The following MALRD1 variants were observed in gnomAD, a reference collection of about 807,000 sequenced individuals.
The protein encoded by MALRD1 is MAM and LDL receptor class A domain containing 1, also known as MAM and LDL-receptor class A domain-containing protein 1.
In MALRD1, 247 loss-of-function variants were observed where a neutral mutation model predicts 242.1. The observed-to-expected ratio is 1.02, with a 90% CI of 0.92 to 1.13. The LOEUF (loss-of-function observed/expected upper bound fraction) is 1.13, where lower values mean the gene tolerates loss of function less well. MALRD1 is among the 50% of genes most tolerant of loss of function. MALRD1 has a pLI of 0.00. For synonymous variants in MALRD1, 995 were observed against 866.6 expected, an observed-to-expected ratio of 1.15 and a Z score of -2.60; for missense variants, 2,989 against 2,533.1, an observed-to-expected ratio of 1.18 and a Z score of -3.86.
intron 18 of MALRD1, among the ~76,000 whole-genome samples, chr10:19,237,137 A>T (rs1019842248): frequency 6.6e-6 from 1 of 152,012 alleles, no homozygotes. Context: ...CTTTTTAATA[A>T]GAAATTTCAA....
At chr10:19,192,613 C>T (rs563619231) in intron 14 of MALRD1, among the ~76,000 whole-genome samples, 3 of 152,278 alleles carry the variant, frequency 2.0e-5, no homozygotes, top group Non-Finnish European at 4.4e-5. Flanking sequence ...ATAGAGCCAT[C>T]GTACCTTGTA....
intron 18 of MALRD1, among the ~76,000 whole-genome samples, chr10:19,225,982 T>C (rs1837783196): frequency 6.6e-6 from 1 of 152,196 alleles, no homozygotes; most frequent in African/African-American, 2.4e-5. Context: ...CCTGGTCAGA[T>C]TATTACTGAT....
chr10:19,712,391 G>A (rs1035007805), intron 38 of MALRD1, among the ~76,000 whole-genome samples: 1 of 152,150 alleles, frequency 6.6e-6, no homozygotes. Context: ...TCTAAAAGCT[G>A]AAATTGTTCA....
chr10:19,329,709 C>T (rs2130915604), intron 23 of MALRD1, among the ~76,000 whole-genome samples: 1 of 152,320 alleles, frequency 6.6e-6, no homozygotes, highest in East Asian at 1.9e-4. Flanking sequence ...TGCCATGCTA[C>T]ATTGTCTACC....
intron 26 of MALRD1, among the ~76,000 whole-genome samples, chr10:19,380,603 C>T (rs187898743): frequency 1.3e-5 from 2 of 151,776 alleles, no homozygotes; most frequent in Non-Finnish European, 2.9e-5. Context: ...TAGTCTTTAC[C>T]ATAGAAGTTT....
intron 33 of MALRD1, among the ~76,000 whole-genome samples, chr10:19,592,200 C>T (rs1286936255): frequency 2.0e-5 from 3 of 152,178 alleles, no homozygotes; most frequent in Non-Finnish European, 4.4e-5. Flanking sequence ...TCAGAGATTT[C>T]TTAGAAATTC....
chr10:19,555,030 A>G (rs903115694), intron 32 of MALRD1, among the ~76,000 whole-genome samples: 23 of 152,040 alleles, frequency 1.5e-4, no homozygotes, highest in African/African-American at 5.3e-4. Context: ...AAGCATTCCT[A>G]TTTCTCCAGC....
chr10:19,321,360 T>C (rs1842909669), intron 21 of MALRD1, among the ~76,000 whole-genome samples: 1 of 152,162 alleles, frequency 6.6e-6, no homozygotes, highest in Admixed American at 6.6e-5. Context: ...TGGAGTCAGA[T>C]TGTATTGGCT....
chr10:19,595,959 A>T, intron 34 of MALRD1, among the ~76,000 whole-genome samples: 1 of 152,220 alleles, frequency 6.6e-6, no homozygotes, highest in East Asian at 1.9e-4. Context: ...GGGATAATGC[A>T]TCCTAGAGAT....
At chr10:19,677,771 A>C (rs1443797997) in intron 36 of MALRD1, among the ~76,000 whole-genome samples, 1 of 151,928 alleles carries the variant, frequency 6.6e-6, no homozygotes. Context: ...GTATTGCCTA[A>C]ATTTTCTTCT....
At chr10:19,241,793 G>A (rs10740863) in intron 18 of MALRD1, among the ~76,000 whole-genome samples, 62,916 of 151,800 alleles carry the variant, frequency 0.41, 13,432 homozygotes, top group Admixed American at 0.55. Flanking sequence ...TAATTTTCCT[G>A]TTAATATCTT....
intron 36 of MALRD1, among the ~76,000 whole-genome samples, chr10:19,672,472 G>A (rs550324247): frequency 2.8e-5 from 4 of 145,086 alleles, no homozygotes; most frequent in African/African-American, 1.0e-4. Context: ...CACCTAGGCT[G>A]GAGTGCAGTG....
chr10:19,453,931 G>A (rs1835474371), intron 29 of MALRD1, among the ~76,000 whole-genome samples: 1 of 151,940 alleles, frequency 6.6e-6, no homozygotes, highest in African/African-American at 2.4e-5. Context: ...GCTTGCGCCT[G>A]TAGTCCCAGC....
chr10:19,219,598 G>A (rs1418527462), intron 18 of MALRD1, among the ~76,000 whole-genome samples: 4 of 151,926 alleles, frequency 2.6e-5, no homozygotes, highest in African/African-American at 9.7e-5. Flanking sequence ...CACCACACCG[G>A]CTAATTTTTA....
At chr10:19,506,528 CTT>C (rs1219049842) in intron 31 of MALRD1, among the ~76,000 whole-genome samples, 1 of 152,008 alleles carries the variant, frequency 6.6e-6, no homozygotes, top group Admixed American at 6.6e-5. Context: ...TCTATTGACA[CTT>C]GTGTATCATA....
chr10:19,147,542 C>T (rs79604772), intron 11 of MALRD1, among the ~76,000 whole-genome samples: 1,642 of 152,300 alleles, frequency 0.011, 29 homozygotes, highest in African/African-American at 0.038. Flanking sequence ...AACACATTTT[C>T]TCTAAACTCA....
chr10:19,536,371 T>C (rs1834675509), intron 32 of MALRD1, among the ~76,000 whole-genome samples: 1 of 151,136 alleles, frequency 6.6e-6, no homozygotes, highest in Admixed American at 6.6e-5. Context: ...TTAATTATAC[T>C]TTAAGTTTTA....
At chr10:19,315,521 A>AACTATAATTTATATAAATATATG (rs1842638733) in intron 21 of MALRD1, among the ~76,000 whole-genome samples, 1 of 109,198 alleles carries the variant, frequency 9.2e-6, no homozygotes, top group African/African-American at 4.2e-5. Flanking sequence ...ATAAATATAT[A>AACTATAATTTATATAAATATATG]ACTATAATTT....
In MALRD1 at chr10:19,734,275, T is replaced by C; in HGVS notation, c.*38T>C. Reference sequence around the variant, plus strand: ...CAAGTCTGATCCAACATGTGTAGTTTCTAGAAAATTGAAGTCTCCACAATC... The same window carrying C: ...CAAGTCTGATCCAACATGTGTAGTTCCTAGAAAATTGAAGTCTCCACAATC... On this transcript the variant is annotated 3_prime_UTR_variant, in exon 40 of 40. Transcript: ENST00000454679. 2.7e-6 allele frequency: 4 copies of C among 1,494,334 alleles called. 1 individual carries two copies. Among genetic ancestry groups the C allele is most frequent in the Non-Finnish European group, 3.6e-6 (4 of 1,110,594 alleles). The allele number at this position is 1,494,334 out of a possible 1,614,324, so 92.6% of individuals were successfully genotyped here. A position where few individuals can be genotyped will look rare whatever the true frequency, so the allele number is the denominator to read the frequency against.
Sources: allele counts gnomAD v4.1 joint callset (sites outside exome capture counted in the v4.1 genomes callset), GRCh38; gene constraint gnomAD v4.1.1; transcripts MANE v1.5; gene names NCBI Gene and HGNC (gene_info 2026-07-23, HGNC 2026-07-21).